The following RIMKLB variants were observed in gnomAD, a reference collection of about 807,000 sequenced individuals.
The protein encoded by RIMKLB is beta-citrylglutamate synthase B.
In RIMKLB, 7 loss-of-function variants were observed where a neutral mutation model predicts 32.0. The ratio of observed to expected loss-of-function variants is 0.22; its 90% CI spans 0.12 to 0.41. The LOEUF is 0.41. RIMKLB is among the 10% of genes least tolerant of loss of function. RIMKLB has a pLI of 1.00. For missense variants in RIMKLB, 289 were observed against 498.7 expected, an observed-to-expected ratio of 0.58 and a Z score of 4.00; for synonymous variants, 172 against 185.1, an observed-to-expected ratio of 0.93 and a Z score of 0.57.
In RIMKLB at chr12:8,744,048, T is replaced by C. The variant is rs1233316894; in HGVS notation, c.176-5814T>C. On this transcript the variant is annotated intron_variant, in intron 2 of 5. Transcript: ENST00000535829. ...GTGGGTAAAGTTCTTTGAACAATTA[T>C]GTGCATCTGTTTACTAAATAACATG... Among the ~76,000 whole-genome samples the C allele has an allele frequency of 1.3e-5, 2 of 151,994 alleles. 1 individual carries two copies. Among genetic ancestry groups the C allele is most frequent in the African/African-American group, 4.8e-5 (2 of 41,240 alleles).
At chr12:8,699,022 C>T (rs1184744887) in intron 1 of RIMKLB, among the ~76,000 whole-genome samples, 1 of 151,878 alleles carries the variant, frequency 6.6e-6, no homozygotes, top group African/African-American at 2.4e-5. Flanking sequence ...ATGTCCTTAT[C>T]TCTGATCACA....
Position 8,682,529 on chromosome 12 carries a change from T to C in RIMKLB, n.219+711T>C, listed in dbSNP as rs1490425971. ...GGCTCACGCCTGTAATCCCAGCACTTTGGGAGGCCGAGGCGGGCGGATAAC... is the reference window on the plus strand; with the variant it reads ...GGCTCACGCCTGTAATCCCAGCACTCTGGGAGGCCGAGGCGGGCGGATAAC... On this transcript the variant is annotated intron_variant and non_coding_transcript_variant, in intron 1 of 1. Coordinates refer to the RIMKLB transcript ENST00000538758. 2.0e-5 allele frequency among the ~76,000 whole-genome samples: 3 copies of C among 151,948 alleles called. No homozygotes were observed. In the East Asian group the frequency reaches 5.9e-4, roughly 30 times the overall value.
upstream of RIMKLB, among the ~76,000 whole-genome samples, chr12:8,680,379 T>C (rs926325462): frequency 6.6e-6 from 1 of 152,032 alleles, no homozygotes; most frequent in Non-Finnish European, 1.5e-5. Flanking sequence ...CAGGATGGTC[T>C]CCATCTCCTG....
At chr12:8,727,562 T>A (rs1946144805) in intron 2 of RIMKLB, among the ~76,000 whole-genome samples, 1 of 152,118 alleles carries the variant, frequency 6.6e-6, no homozygotes, top group South Asian at 2.1e-4. Context: ...TATCCATGGG[T>A]TTTGCATCTG....
chr12:8,687,820 GAAAAA>G (rs752174507), intron 1 of RIMKLB, among the ~76,000 whole-genome samples: 2 of 72,926 alleles, frequency 2.7e-5, no homozygotes, highest in African/African-American at 5.6e-5. Context: ...AAGTCAGGAA[GAAAAA>G]AAAAAAAAAA....
At chr12:8,725,982 G>A (rs1212174907) in intron 2 of RIMKLB, among the ~76,000 whole-genome samples, 1 of 152,170 alleles carries the variant, frequency 6.6e-6, no homozygotes, top group Non-Finnish European at 1.5e-5. Flanking sequence ...CGAATAGCTG[G>A]GACTACAGGC....
At chr12:8,732,365 A>T (rs973762976) in intron 2 of RIMKLB, among the ~76,000 whole-genome samples, 3 of 152,140 alleles carry the variant, frequency 2.0e-5, no homozygotes, top group Non-Finnish European at 4.4e-5. Context: ...TGCCCTTTGT[A>T]ATATATGGAG....
At chr12:8,718,651 CTCTATATATATA>C (rs1419025295) in intron 2 of RIMKLB, among the ~76,000 whole-genome samples, 53 of 98,422 alleles carry the variant, frequency 5.4e-4, no homozygotes, top group African/African-American at 2.1e-3. Context: ...CTCTCTCTCT[CTCTATATATATA>C]TATATATGTG....
At chr12:8,777,658 TC>T, downstream of RIMKLB, 2 of 1,289,230 alleles carry the variant, frequency 1.6e-6, no homozygotes, top group Non-Finnish European at 2.0e-6. Context: ...CTTTCCTTCT[TC>T]CCCCTTCCTG....
chr12:8,763,633 C>T (rs1426832059), intron 5 of RIMKLB, among the ~76,000 whole-genome samples: 1 of 152,232 alleles, frequency 6.6e-6, no homozygotes, highest in African/African-American at 2.4e-5. Context: ...GTGAGCAGAG[C>T]TGAGCCTTTG....
In RIMKLB at chr12:8,777,134, T is replaced by C; in HGVS notation, c.*3350T>C. ...TGTTTGTTCAATTTTATTTAAGATTTGTTTTTGTTGTACTAGGATTTTAAA... is the reference window on the plus strand; with the variant it reads ...TGTTTGTTCAATTTTATTTAAGATTCGTTTTTGTTGTACTAGGATTTTAAA... On this transcript the variant is annotated 3_prime_UTR_variant, in exon 6 of 6. Transcript: ENST00000535829. The C allele has an allele frequency of 1.0e-6, 1 of 985,230 alleles. No homozygotes were observed. Among genetic ancestry groups the C allele is most frequent in the Non-Finnish European group, 1.2e-6 (1 of 829,464 alleles). The allele number at this position is 985,230 out of a possible 1,614,324, so 61.0% of individuals were successfully genotyped here.
chr12:8,679,689 T>C (rs1942367523), upstream of RIMKLB: 1 of 152,252 alleles, frequency 6.6e-6, no homozygotes, highest in Admixed American at 6.5e-5. Flanking sequence ...TCTTATCTAC[T>C]ATGTATTCTC....
intron 2 of RIMKLB, 134 bp from the exon 3 acceptor site, chr12:8,749,728 G>T: frequency 1.6e-6 from 1 of 613,638 alleles, no homozygotes; most frequent in South Asian, 2.4e-5. Context: ...TTTCTTAGGA[G>T]TATCTCTATC....
chr12:8,764,207 C>T (rs1182525258), intron 5 of RIMKLB, among the ~76,000 whole-genome samples: 1 of 152,100 alleles, frequency 6.6e-6, no homozygotes, highest in Admixed American at 6.6e-5. Context: ...GGGGTACTTC[C>T]TTTGGCAGGG....
In RIMKLB at chr12:8,767,115, G is replaced by C. The variant is rs551316601; in HGVS notation, c.698-6206G>C. On this transcript the variant is annotated intron_variant, in intron 5 of 5. Coordinates refer to ENST00000535829, the MANE Select transcript of RIMKLB (RefSeq NM_001297776.2). ...AACAAGGTAGTATTGGAGTGTTACAGGGTCACGGAGAAGACCTTCCATTAT... is the reference window on the plus strand; with the variant it reads ...AACAAGGTAGTATTGGAGTGTTACACGGTCACGGAGAAGACCTTCCATTAT... Among the ~76,000 whole-genome samples the C allele has an allele frequency of 3.5e-3, 539 of 152,366 alleles. 3 individuals carry two copies. Among genetic ancestry groups the C allele is most frequent in the Non-Finnish European group, 5.7e-3 (391 of 68,034 alleles).
chr12:8,691,051 C>G (rs1360311650), intron 1 of RIMKLB, among the ~76,000 whole-genome samples: 1 of 152,170 alleles, frequency 6.6e-6, no homozygotes, highest in Non-Finnish European at 1.5e-5. Context: ...TCAAGTATTT[C>G]TGTGGTGTGA....
upstream of RIMKLB, among the ~76,000 whole-genome samples, chr12:8,680,862 G>A (rs889295510): frequency 1.3e-5 from 2 of 152,150 alleles, no homozygotes; most frequent in African/African-American, 4.8e-5. Context: ...TTACGGAAAG[G>A]TCTTCTAAAA....
intron 2 of RIMKLB, among the ~76,000 whole-genome samples, chr12:8,731,036 G>A (rs999732442): frequency 6.6e-6 from 1 of 151,458 alleles, no homozygotes; most frequent in Non-Finnish European, 1.5e-5. Flanking sequence ...CACCGTGCCC[G>A]GCCTCAATGC....
chr12:8,775,808 G>C lies in RIMKLB; in HGVS notation c.*2024G>C, dbSNP rs1435218674. The C allele has an allele frequency of 1.0e-6, 1 of 985,112 alleles. No homozygotes were observed. The highest frequency in any genetic ancestry group is 1.7e-5 in the African/African-American group (1 of 57,222). 61.0% of individuals were successfully genotyped at this position (985,112 alleles called of 1,614,324 possible). The stretch of plus-strand genomic sequence containing the variant: ...TCACCTCAGAGAAAAGGATACATAA[G>C]AGGAGTTTGTAATTTATCTTAGGAT... On this transcript the variant is annotated 3_prime_UTR_variant, in exon 6 of 6. Coordinates refer to ENST00000535829, the MANE Select transcript of RIMKLB (RefSeq NM_001297776.2).
Sources: gnomAD v4.1 joint callset for allele counts (sites outside exome capture counted in the v4.1 genomes callset) on GRCh38, gnomAD v4.1.1 for gene constraint, MANE v1.5 for transcripts, NCBI Gene and HGNC (gene_info 2026-07-23, HGNC 2026-07-21) for gene names.